NCBP3: variants seen among roughly 807,000 people sequenced by gnomAD.
NCBP3 encodes the protein nuclear cap binding subunit 3.
Under a neutral mutation model 75.7 loss-of-function variants are expected in NCBP3, and 20 were observed. The observed-to-expected ratio is 0.26, with a 90% CI of 0.19 to 0.38. The LOEUF is 0.38. Among genes scored for constraint, NCBP3 ranks in the 10% least tolerant of loss-of-function variants. The pLI is 1.00. For synonymous variants in NCBP3, 293 were observed against 290.5 expected (o/e 1.01, Z -0.09); for missense variants, 678 against 796.9 (o/e 0.85, Z 1.80).
At chr17:3,819,382 C>T (rs2053616754) in intron 9 of NCBP3, among the ~76,000 whole-genome samples, 2 of 151,998 alleles carry the variant, frequency 1.3e-5, no homozygotes, top group Admixed American at 1.3e-4. Flanking sequence ...ATGCTAATAC[C>T]CTGTCTCTAC....
At chr17:3,844,743 G>A (rs1435471919) in intron 1 of NCBP3, among the ~76,000 whole-genome samples, 2 of 152,174 alleles carry the variant, frequency 1.3e-5, no homozygotes, top group African/African-American at 2.4e-5. Flanking sequence ...TCAACTACTT[G>A]GGAGGCTGAG....
In NCBP3 at chr17:3,818,461, A is replaced by G; in HGVS notation, c.1112T>C (p.Val371Ala). 1 of 1,613,980 alleles carries G rather than the reference A, an allele frequency of 6.2e-7. No individual in the cohort carries two copies. The highest frequency in any genetic ancestry group is 1.1e-5 in the South Asian group (1 of 91,074). The change falls in exon 10 of 13, where the codon GTA becomes GCA. Residue 371 changes from valine to alanine, a missense_variant. Val to Ala is a moderately conservative substitution (Grantham distance 64). This residue lies in a region of NCBP3 where 365 missense variants were observed against 392.7 expected (regional missense o/e 0.93). Coordinates refer to ENST00000389005, the MANE Select transcript of NCBP3 (RefSeq NM_001114118.3). The surrounding 1 kb of genome is among the most constrained non-coding windows in gnomAD (Gnocchi z 4.7). ...AGCCGGGAGCTCCTCGTGGTACTCT[A>G]CCACCACTCTGTCATCTGCATCCAT... ...QDMDADDRVV[V>A]EYHEELPALK...
chr17:3,819,212 G>A (rs1472790176), intron 9 of NCBP3, among the ~76,000 whole-genome samples: 1 of 152,160 alleles, frequency 6.6e-6, no homozygotes, highest in Non-Finnish European at 1.5e-5. Flanking sequence ...GCTACTGGCT[G>A]TGAACTCAAT....
At chr17:3,841,649 G>T (rs1597416286) in intron 2 of NCBP3, among the ~76,000 whole-genome samples, 2 of 123,900 alleles carry the variant, frequency 1.6e-5, no homozygotes, top group African/African-American at 3.1e-5. Context: ...TTAAGTGATT[G>T]GAAACACAAG....
intron 9 of NCBP3, among the ~76,000 whole-genome samples, chr17:3,820,594 C>T (rs1332663270): frequency 1.3e-5 from 2 of 152,202 alleles, no homozygotes; most frequent in African/African-American, 2.4e-5. Context: ...ATTTTTAATA[C>T]AGAAAAAGAA....
intron 9 of NCBP3, among the ~76,000 whole-genome samples, chr17:3,819,305 C>T (rs1336885895): frequency 2.0e-5 from 3 of 152,120 alleles, no homozygotes; most frequent in African/African-American, 7.2e-5. Context: ...CGCCTGTAAT[C>T]CCAGCACTTT....
At chr17:3,829,964 T>G (rs1340417615) in intron 3 of NCBP3, among the ~76,000 whole-genome samples, 1 of 152,224 alleles carries the variant, frequency 6.6e-6, no homozygotes, top group Non-Finnish European at 1.5e-5. Flanking sequence ...AACATGCACA[T>G]GAAAACAAGA....
intron 1 of NCBP3, among the ~76,000 whole-genome samples, chr17:3,845,452 C>T (rs2054144957): frequency 6.6e-6 from 1 of 152,144 alleles, no homozygotes. Context: ...TGCTAGTTTG[C>T]TTTCATTAAG....
At position 3,818,381 on chromosome 17, in the gene NCBP3, C is replaced by G; in HGVS notation, c.1192G>C (p.Asp398His). 7 of 1,614,164 alleles carry G rather than the reference C, an allele frequency of 4.3e-6. No individual in the cohort carries two copies. The highest frequency in any genetic ancestry group is 5.9e-6 in the Non-Finnish European group (7 of 1,180,040). The change falls in exon 10 of 13, where the codon GAC becomes CAC. Residue 398 changes from aspartate (D) to histidine (H), a missense_variant. By Grantham distance (81) the Asp-to-His change is moderately conservative. Transcript: ENST00000389005. This position sits in a 1 kb window ranked among gnomAD's most constrained non-coding sequence, Gnocchi z 4.7. ...ASRRSSASSSDSDEMDYDLEL... is the reference protein window; with the variant it reads ...ASRRSSASSSHSDEMDYDLEL... The stretch of plus-strand genomic sequence containing the variant: ...AGATCATAGTCCATTTCATCTGAGT[C>G]TGAGCTGCTGGCACTGGATCGTCTA...
At chr17:3,829,212 G>A (rs2053836787) in intron 4 of NCBP3, 31 bp downstream of exon 4, 1 of 1,549,530 alleles carries the variant, frequency 6.5e-7, no homozygotes, top group African/African-American at 1.4e-5. Flanking sequence ...ATCAACAAAA[G>A]CATATTCACA....
In NCBP3 at chr17:3,831,024, G is replaced by A. The variant is rs551621494; in HGVS notation, c.356-1656C>T. ...CCTCCCAGGTTCAAGCTATTCTCCC[G>A]TCTAAGCCTCCCAAGTAGCTGGGAT... On this transcript the variant is annotated intron_variant, in intron 3 of 12. Transcript: ENST00000389005. 3.4e-4 allele frequency among the ~76,000 whole-genome samples: 52 copies of A among 150,730 alleles called. 1 individual carries two copies. Among genetic ancestry groups the A allele is most frequent in the South Asian group, 1.9e-3 (9 of 4,770 alleles).
At position 3,825,005 on chromosome 17, in the gene NCBP3, C is replaced by T; in HGVS notation, c.733G>A (p.Asp245Asn). The T allele has an allele frequency of 1.9e-6, 3 of 1,545,852 alleles. No individual in the cohort carries two copies. The highest frequency in any genetic ancestry group is 2.6e-6 in the Non-Finnish European group (3 of 1,144,254). Residue 245 changes from aspartate (D) to asparagine (N), a missense_variant, in exon 7 of 13, where the codon GAT (aspartate) becomes AAT (asparagine). Asp to Asn is a conservative substitution (Grantham distance 23, BLOSUM62 1). Coordinates refer to ENST00000389005, the MANE Select transcript of NCBP3 (RefSeq NM_001114118.3). Reference protein sequence around the residue: ...QVEEESLLRNDLRPANKLAKG... With the variant: ...QVEEESLLRNNLRPANKLAKG... ...GCAAGTTTGTTAGCTGGACGAAGATCGTTTCTTAACAAAGACTCCTCTTCT... is the reference window on the plus strand; with the variant it reads ...GCAAGTTTGTTAGCTGGACGAAGATTGTTTCTTAACAAAGACTCCTCTTCT...
At position 3,816,382 on chromosome 17, in the gene NCBP3, T is replaced by C. The variant is rs2053533118; in HGVS notation, c.1311-112A>G. On this transcript the variant is annotated intron_variant, in intron 10 of 12. Transcript: ENST00000389005. ...ACAATTTAAGAAATCCTGTCTTACA[T>C]GGCCAACATTCACTTACAAATCCAT... is the stretch of plus-strand genomic sequence containing the variant. 18 of 899,282 alleles carry C rather than the reference T, an allele frequency of 2.0e-5. No individual in the cohort carries two copies. The South Asian group carries it at 3.1e-4, about 15-fold the overall frequency. The allele number at this position is 899,282 out of a possible 1,614,324, so 55.7% of individuals were successfully genotyped here.
In NCBP3 at chr17:3,812,832, G is replaced by A. The variant is rs2053444563; in HGVS notation, c.*212C>T. ...GTGGGGTGGTGGGAAAGGAATCGAG[G>A]GCCCAGAACTACAACTCTGCAGCGA... is the stretch of plus-strand genomic sequence containing the variant. On this transcript the variant is annotated 3_prime_UTR_variant, in exon 13 of 13. Coordinates refer to ENST00000389005, the MANE Select transcript of NCBP3 (RefSeq NM_001114118.3). 2.2e-6 allele frequency: 3 copies of A among 1,394,580 alleles called. No individual in the cohort carries two copies. Among genetic ancestry groups the A allele is most frequent in the Non-Finnish European group, 2.8e-6 (3 of 1,075,216 alleles). 86.4% of individuals were successfully genotyped at this position (1,394,580 alleles called of 1,614,324 possible). A position where few individuals can be genotyped will look rare whatever the true frequency, so the allele number is the denominator to read the frequency against.
chr17:3,830,378 G>A (rs1032068945), intron 3 of NCBP3, among the ~76,000 whole-genome samples: 1 of 152,178 alleles, frequency 6.6e-6, no homozygotes, highest in African/African-American at 2.4e-5. Flanking sequence ...AAGATTCTAA[G>A]ATGTATCACA....
At chr17:3,845,759 G>C (rs1242279522) in intron 1 of NCBP3, among the ~76,000 whole-genome samples, 3 of 151,956 alleles carry the variant, frequency 2.0e-5, no homozygotes. Context: ...CTTGCACAGC[G>C]CGGCTCAGAG....
intron 7 of NCBP3, 178 bp from the exon 8 acceptor site, chr17:3,822,230 G>A: frequency 3.7e-6 from 2 of 538,832 alleles, no homozygotes; most frequent in Admixed American, 3.5e-5. Flanking sequence ...CAGTGTAGAG[G>A]GGATAAAGCA....
intron 3 of NCBP3, among the ~76,000 whole-genome samples, chr17:3,830,134 T>C (rs540992118): frequency 1.3e-5 from 2 of 152,140 alleles, no homozygotes; most frequent in South Asian, 2.1e-4. Context: ...GGAGGGCAAA[T>C]GGAAGGGTCT....
chr17:3,846,001 C>T lies in NCBP3; in HGVS notation c.183+40G>A. ...GGCCCCCTCCGGCGCTAGACACTAGCCCCGCGACCTCTTCCTTACCCCCCG... is the reference window on the plus strand; with the variant it reads ...GGCCCCCTCCGGCGCTAGACACTAGTCCCGCGACCTCTTCCTTACCCCCCG... On this transcript the variant is annotated intron_variant, in intron 1 of 12. Transcript: ENST00000389005. The surrounding 1 kb of genome is among the most constrained non-coding windows in gnomAD (Gnocchi z 4.6). 6.5e-7 allele frequency: 1 copy of T among 1,536,368 alleles called. No individual in the cohort carries two copies. Among genetic ancestry groups the T allele is most frequent in the Non-Finnish European group, 8.8e-7 (1 of 1,139,458 alleles).
Sources: gnomAD v4.1 joint callset for allele counts (sites outside exome capture counted in the v4.1 genomes callset) on GRCh38, gnomAD v4.1.1 for gene constraint, gnomAD v4.1.1 regional missense constraint, Gnocchi (gnomAD v3.1) non-coding constraint, MANE v1.5 for transcripts, NCBI Gene and HGNC (gene_info 2026-07-23, HGNC 2026-07-21) for gene names.